Variants in ANOS1 observed in about 807,000 individuals in gnomAD.
The protein encoded by ANOS1 is anosmin-1.
In ANOS1, 6 loss-of-function variants were observed where a neutral mutation model predicts 59.0. That is an observed-to-expected ratio of 0.10 (90% CI 0.06 to 0.20). The LOEUF (loss-of-function observed/expected upper bound fraction) is 0.20. Ranked by LOEUF, ANOS1 falls within the 10% of genes least tolerant of loss-of-function variation. ANOS1 has a pLI of 1.00. For missense variants in ANOS1, 433 were observed against 542.3 expected (o/e 0.80, Z 2.00); for synonymous variants, 217 against 223.4 (o/e 0.97, Z 0.25).
At chrX:8,642,402 AT>A (rs5901372) in intron 2 of ANOS1, among the ~76,000 whole-genome samples, 33,220 of 109,845 alleles carry the variant, frequency 0.3, 7,098 homozygotes, top group African/African-American at 0.76. Flanking sequence ...TGGCTATGGG[AT>A]TTTTTTGGGG....
Position 8,537,749 on chromosome X carries a change from CGTGTGTGTGTGTGTGT to C in ANOS1, c.1450-823_1450-808del, listed in dbSNP as rs202035920. ...ACATAGTGAGACTCCATGGTTTTTA[CGTGTGTGTGTGTGTGT>C]GTGTGTGTGTGTGTGTGTGTTTAAT... On this transcript the variant is annotated intron_variant, in intron 10 of 13. Coordinates refer to ENST00000262648, the MANE Select transcript of ANOS1 (RefSeq NM_000216.4). Among the ~76,000 whole-genome samples the C allele has an allele frequency of 4.4e-4, 42 of 94,721 alleles. No homozygotes were observed. The East Asian group carries it at 0.01, about 24-fold the overall frequency. 82.3% of individuals were successfully genotyped at this position (94,721 alleles called of 115,157 possible).
At chrX:8,686,016 C>T (rs761305063) in intron 2 of ANOS1, among the ~76,000 whole-genome samples, 104 of 111,954 alleles carry the variant, frequency 9.3e-4, no homozygotes, top group African/African-American at 3.3e-3. Flanking sequence ...AAGTTTCTAC[C>T]GCACTCCCTG....
Position 8,583,470 on chromosome X carries a change from G to A in ANOS1, c.856+1797C>T, listed in dbSNP as rs146488269. 6.9e-3 allele frequency among the ~76,000 whole-genome samples: 773 copies of A among 111,863 alleles called. 8 individuals are homozygous for A. The highest frequency in any genetic ancestry group is 0.024 in the African/African-American group (735 of 30,782). On this transcript the variant is annotated intron_variant, in intron 6 of 13. Coordinates refer to ENST00000262648, the MANE Select transcript of ANOS1 (RefSeq NM_000216.4). ...TTTTCCCAGTGAGGCTGTTTTCAAC[G>A]TTTGGTGAGAATGAGAAAAGTGTGG... is the stretch of plus-strand genomic sequence containing the variant.
chrX:8,551,868 G>A (rs372341510), intron 9 of ANOS1, among the ~76,000 whole-genome samples: 4 of 112,258 alleles, frequency 3.6e-5, no homozygotes, highest in African/African-American at 1.3e-4. Context: ...AGCTATTCAG[G>A]AGGCTGAGGC....
At chrX:8,558,998 T>G (rs1019162887) in intron 8 of ANOS1, among the ~76,000 whole-genome samples, 1 of 112,425 alleles carries the variant, frequency 8.9e-6, no homozygotes, top group Non-Finnish European at 1.9e-5. Flanking sequence ...GCTCTTTCTG[T>G]CAGCAATTCT....
intron 9 of ANOS1, among the ~76,000 whole-genome samples, chrX:8,552,484 A>G (rs1929872046): frequency 8.9e-6 from 1 of 112,285 alleles, no homozygotes; most frequent in Admixed American, 9.5e-5. Flanking sequence ...TCCAGGCAGC[A>G]ATATAAATGA....
rs149377369 is a variant in ANOS1, at chrX:8,623,859, G to A, written c.256-189C>T. On this transcript the variant is annotated intron_variant, in intron 2 of 13. Transcript: ENST00000262648. ...CTGAGCAAAAGCATCATTACAGAACGCGGACCAAAAAATGTATTTCAACAC... is the reference window on the plus strand; with the variant it reads ...CTGAGCAAAAGCATCATTACAGAACACGGACCAAAAAATGTATTTCAACAC... 5.4e-5 allele frequency among the ~76,000 whole-genome samples: 6 copies of A among 111,054 alleles called. No homozygotes were observed. The East Asian group carries it at 1.4e-3, about 26-fold the overall frequency.
intron 9 of ANOS1, among the ~76,000 whole-genome samples, chrX:8,545,080 A>G (rs1468944216): frequency 2.9e-5 from 3 of 103,531 alleles, no homozygotes; most frequent in African/African-American, 1.1e-4. Context: ...AAAAAAAAAA[A>G]AAAGAAAAGA....
At chrX:8,579,546 T>A (rs1008645798) in intron 6 of ANOS1, among the ~76,000 whole-genome samples, 3 of 112,105 alleles carry the variant, frequency 2.7e-5, no homozygotes, top group Non-Finnish European at 3.8e-5. Flanking sequence ...AGATCCACTC[T>A]GTAACAGGAA....
chrX:8,618,869 C>T (rs770885078), intron 3 of ANOS1, among the ~76,000 whole-genome samples: 1 of 108,643 alleles, frequency 9.2e-6, no homozygotes, highest in Non-Finnish European at 1.9e-5. Context: ...GTCAGGAGTT[C>T]GAGACCAGCC....
chrX:8,546,643 A>C (rs902451555), intron 9 of ANOS1, among the ~76,000 whole-genome samples: 3 of 111,546 alleles, frequency 2.7e-5, no homozygotes, highest in Admixed American at 1.9e-4. Context: ...CCTGAGCTAC[A>C]AGTATGTATT....
intron 2 of ANOS1, among the ~76,000 whole-genome samples, chrX:8,677,305 C>T (rs1227470494): frequency 9.0e-6 from 1 of 111,540 alleles, no homozygotes; most frequent in Non-Finnish European, 1.9e-5. Flanking sequence ...CTCGACATTG[C>T]CAGATATCCC....
At chrX:8,569,958 T>G (rs139420948) in intron 7 of ANOS1, among the ~76,000 whole-genome samples, 1,272 of 111,482 alleles carry the variant, frequency 0.011, 22 homozygotes, top group African/African-American at 0.039. Context: ...TCAATGAAGA[T>G]TTTATTTCTT....
chrX:8,576,650 G>A (rs1352639395), intron 6 of ANOS1, among the ~76,000 whole-genome samples: 1 of 110,202 alleles, frequency 9.1e-6, no homozygotes, highest in East Asian at 2.8e-4. Context: ...AACTGGGGAG[G>A]GTTTTAGGGG....
At chrX:8,726,270 AAAAC>A (rs1162232322) in intron 1 of ANOS1, among the ~76,000 whole-genome samples, 4 of 111,461 alleles carry the variant, frequency 3.6e-5, no homozygotes, top group Non-Finnish European at 7.5e-5. Context: ...CCTTTTTGCC[AAAAC>A]AAACAGCTTC....
At chrX:8,665,873 C>T (rs758089601) in intron 2 of ANOS1, among the ~76,000 whole-genome samples, 53 of 111,774 alleles carry the variant, frequency 4.7e-4, no homozygotes, top group Middle Eastern at 9.2e-3. Flanking sequence ...CATTTCTTTA[C>T]TCCAAGTCCT....
chrX:8,679,330 G>A (rs1342703938), intron 2 of ANOS1, among the ~76,000 whole-genome samples: 2 of 110,868 alleles, frequency 1.8e-5, no homozygotes, highest in African/African-American at 6.6e-5. Context: ...GATTCCATTT[G>A]TATGAGGTTC....
chrX:8,548,613 T>C (rs1043444699), intron 9 of ANOS1, among the ~76,000 whole-genome samples: 2 of 112,460 alleles, frequency 1.8e-5, no homozygotes, highest in Non-Finnish European at 3.8e-5. Context: ...GTAGAATGAA[T>C]CTCTGTCTCT....
chrX:8,619,674 C>T lies in ANOS1; in HGVS notation c.318+3934G>A, dbSNP rs143816486. Among the ~76,000 whole-genome samples, 716 of 111,874 alleles carry T rather than the reference C, an allele frequency of 6.4e-3. 3 individuals are homozygous for T. Among genetic ancestry groups the T allele is most frequent in the Non-Finnish European group, 0.01 (541 of 53,146 alleles). On this transcript the variant is annotated intron_variant, in intron 3 of 13. Transcript: ENST00000262648. Reference sequence around the variant, plus strand: ...TTAGCCTAAAAGTAGCAAAAGTTACCGTGCAAATTATAACAAAATCGGTAA... The same window carrying T: ...TTAGCCTAAAAGTAGCAAAAGTTACTGTGCAAATTATAACAAAATCGGTAA...
Sources: allele counts gnomAD v4.1 joint callset (sites outside exome capture counted in the v4.1 genomes callset), GRCh38; gene constraint gnomAD v4.1.1; transcripts MANE v1.5; gene names NCBI Gene and HGNC (gene_info 2026-07-23, HGNC 2026-07-21).